The following MARK3 variants were observed in gnomAD, a reference collection of about 807,000 sequenced individuals.
The protein encoded by MARK3 is microtubule affinity regulating kinase 3, also known as MAP/microtubule affinity-regulating kinase 3.
Under a neutral mutation model 90.1 loss-of-function variants are expected in MARK3, and 46 were observed. The ratio of observed to expected loss-of-function variants is 0.51; its 90% CI spans 0.40 to 0.65. MARK3 has a LOEUF of 0.65. MARK3 is among the 30% of genes least tolerant of loss of function. The pLI, the probability that MARK3 is intolerant of heterozygous loss-of-function variation, is 0.00. For synonymous variants in MARK3, 321 were observed against 332.6 expected, an observed-to-expected ratio of 0.97 and a Z score of 0.38; for missense variants, 818 against 947.2, an observed-to-expected ratio of 0.86 and a Z score of 1.79.
In MARK3 at chr14:103,440,736, C is replaced by T. The variant is rs546043103; in HGVS notation, c.298-8183C>T. ...TCTCTCCAAGCCAGGAGTTCAAGAA[C>T]CAGCCTGGGCAACAGAGCAAGACTC... On this transcript the variant is annotated intron_variant, in intron 3 of 17. Coordinates refer to ENST00000429436, the MANE Select transcript of MARK3 (RefSeq NM_001128918.3). Among the ~76,000 whole-genome samples the T allele has an allele frequency of 8.2e-4, 124 of 152,032 alleles. 1 individual carries two copies. The highest frequency in any genetic ancestry group is 2.9e-3 in the African/African-American group (121 of 41,470).
chr14:103,420,548 T>G (rs543645899), intron 2 of MARK3, among the ~76,000 whole-genome samples: 6 of 152,304 alleles, frequency 3.9e-5, no homozygotes, highest in East Asian at 1.9e-4. Context: ...TTTTTGTGTG[T>G]GTGGTAAAAT....
At chr14:103,455,899 T>A (rs945835697) in intron 5 of MARK3, among the ~76,000 whole-genome samples, 3 of 152,218 alleles carry the variant, frequency 2.0e-5, no homozygotes, top group Admixed American at 2.0e-4. Flanking sequence ...TTTAATATTT[T>A]CACTAAGCTG....
At chr14:103,488,595 C>T (rs540778640) in intron 14 of MARK3, among the ~76,000 whole-genome samples, 2 of 152,320 alleles carry the variant, frequency 1.3e-5, no homozygotes, top group Admixed American at 6.5e-5. Flanking sequence ...CTCACAAGGC[C>T]TATAATCCCA....
At chr14:103,396,853 C>G (rs2090610461) in intron 1 of MARK3, among the ~76,000 whole-genome samples, 1 of 152,050 alleles carries the variant, frequency 6.6e-6, no homozygotes, top group Non-Finnish European at 1.5e-5. Context: ...CATTATCCAG[C>G]ACAGTAGCAA....
chr14:103,401,741 A>G (rs1406671825), intron 1 of MARK3, among the ~76,000 whole-genome samples: 2 of 152,208 alleles, frequency 1.3e-5, no homozygotes, highest in African/African-American at 2.4e-5. Flanking sequence ...AAAAGCCAGT[A>G]TGATGGATAT....
At chr14:103,407,705 C>T (rs1450478596) in intron 2 of MARK3, among the ~76,000 whole-genome samples, 2 of 151,706 alleles carry the variant, frequency 1.3e-5, no homozygotes, top group African/African-American at 2.4e-5. Context: ...GGACTATAGG[C>T]GTGCGCCACC....
At chr14:103,459,988 C>T (rs2093362407) in intron 6 of MARK3, among the ~76,000 whole-genome samples, 1 of 150,924 alleles carries the variant, frequency 6.6e-6, no homozygotes, top group African/African-American at 2.4e-5. Context: ...CTTCACCATG[C>T]CCATCCTAGT....
rs111575114 is a variant in MARK3, at chr14:103,411,730, C to T, written c.243+6463C>T. ...CTCCACCTCCCGGGTTTAAGCAATT[C>T]GCCTGCCTCAGCCTCCTGAGTAAGT... On this transcript the variant is annotated intron_variant, in intron 2 of 17. Transcript: ENST00000429436. 1.4e-3 allele frequency among the ~76,000 whole-genome samples: 214 copies of T among 152,070 alleles called. 1 individual carries two copies. The highest frequency in any genetic ancestry group is 4.8e-3 in the African/African-American group (199 of 41,470).
At chr14:103,407,820 A>G (rs934653909) in intron 2 of MARK3, among the ~76,000 whole-genome samples, 2 of 151,934 alleles carry the variant, frequency 1.3e-5, no homozygotes, top group African/African-American at 4.8e-5. Context: ...CAACCTCCCA[A>G]AATGCTGGGA....
chr14:103,462,405 A>C lies in MARK3; in HGVS notation c.484A>C (p.Ile162Leu), dbSNP rs765635317. The change falls in exon 7 of 18, where the codon ATT becomes CTT. Residue 162 changes from isoleucine to leucine, a missense_variant and splice_region_variant. Ile to Leu is a conservative substitution (Grantham distance 5, BLOSUM62 2). Transcript: ENST00000429436. ...EKEARSKFRQ[I>L]VSAVQYCHQK... ...CTGACTCTGCGTCTCTCCTATTCAG[A>C]TTGTGTCTGCAGTTCAATACTGCCA... 2 of 1,600,482 alleles carry C rather than the reference A, an allele frequency of 1.2e-6. No individual in the cohort carries two copies. The highest frequency in any genetic ancestry group is 1.7e-6 in the Non-Finnish European group (2 of 1,168,664).
chr14:103,448,998 T>C, intron 4 of MARK3, 31 bp downstream of exon 4: 1 of 1,543,190 alleles, frequency 6.5e-7, no homozygotes, highest in Non-Finnish European at 8.8e-7. Flanking sequence ...TATTTTGGGG[T>C]CTAAATACGT....
intron 2 of MARK3, chr14:103,412,231 A>C (rs1234395847): frequency 1.2e-6 from 1 of 802,464 alleles, no homozygotes; most frequent in Admixed American, 2.1e-5. Flanking sequence ...GGTGAATGTT[A>C]TGCACAAGCT....
At chr14:103,482,246 C>T (rs2093838558) in intron 14 of MARK3, among the ~76,000 whole-genome samples, 1 of 151,918 alleles carries the variant, frequency 6.6e-6, no homozygotes, top group East Asian at 1.9e-4. Flanking sequence ...CATGGTCAGG[C>T]ACAGTGGCTC....
chr14:103,492,298 C>T (rs749720990), intron 15 of MARK3, among the ~76,000 whole-genome samples: 1 of 152,014 alleles, frequency 6.6e-6, no homozygotes, highest in Non-Finnish European at 1.5e-5. Flanking sequence ...CTTTTGCTCA[C>T]GTATCTGTCT....
At chr14:103,393,362 A>G (rs571735787) in intron 1 of MARK3, among the ~76,000 whole-genome samples, 4 of 152,242 alleles carry the variant, frequency 2.6e-5, no homozygotes, top group Non-Finnish European at 4.4e-5. Flanking sequence ...AAGTTGGCCT[A>G]TAGTTTCAGC....
At chr14:103,489,950 G>C (rs1222194775) in intron 14 of MARK3, 1 of 152,206 alleles carries the variant, frequency 6.6e-6, no homozygotes, top group Non-Finnish European at 1.5e-5. Flanking sequence ...CTTGGAGAAG[G>C]GGGCTCTGCT....
chr14:103,498,411 TTC>T, intron 15 of MARK3, 89 bp from the exon 16 acceptor site: 1 of 956,928 alleles, frequency 1.0e-6, no homozygotes, highest in Non-Finnish European at 1.4e-6. Context: ...TTTGTTTTTT[TTC>T]TTTCTCTCTG....
At chr14:103,442,950 C>CG (rs1248757643) in intron 3 of MARK3, among the ~76,000 whole-genome samples, 1 of 150,442 alleles carries the variant, frequency 6.6e-6, no homozygotes, top group Non-Finnish European at 1.5e-5. Context: ...TGTCCCCCCC[C>CG]CTCCCACCGA....
At chr14:103,479,627 G>GC (rs2093781034) in intron 13 of MARK3, among the ~76,000 whole-genome samples, 3 of 50,640 alleles carry the variant, frequency 5.9e-5, no homozygotes, top group African/African-American at 2.1e-4. Flanking sequence ...CATACGTATA[G>GC]CTTTTTTTTT....
Sources: allele counts gnomAD v4.1 joint callset (sites outside exome capture counted in the v4.1 genomes callset), GRCh38; gene constraint gnomAD v4.1.1; transcripts MANE v1.5; gene names NCBI Gene and HGNC (gene_info 2026-07-23, HGNC 2026-07-21).